The following PIEZO2 variants were observed in gnomAD, a reference collection of about 807,000 sequenced individuals.
PIEZO2 encodes the protein piezo-type mechanosensitive ion channel component 2.
PIEZO2 carries 172 observed loss-of-function variants against 337.3 expected under a neutral mutation model. That is an observed-to-expected ratio of 0.51 (90% CI 0.45 to 0.58). PIEZO2 has a LOEUF of 0.58. Among genes scored for constraint, PIEZO2 ranks in the 20% least tolerant of loss-of-function variants. The pLI is 0.00. For synonymous variants in PIEZO2, 1,251 were observed against 1,228.5 expected (o/e 1.02, Z -0.38); for missense variants, 3,028 against 3,391.3 (o/e 0.89, Z 2.66).
chr18:10,682,163 C>A lies in PIEZO2; in HGVS notation c.7627G>T (p.Ala2543Ser). ...LLFMSLIKSV[A>S]GVINQPLDVS... ...TCCAGGGGCTGGTTGATGACCCCAG[C>A]CACAGATTTGATCAAAGACATGAAG... Residue 2543 changes from alanine to serine, a missense_variant, in exon 50 of 56, where the codon GCT (alanine) becomes TCT (serine). This residue lies in a region of PIEZO2 where 179 missense variants were observed against 281.8 expected (regional missense o/e 0.64). Coordinates refer to ENST00000674853, the MANE Select transcript of PIEZO2 (RefSeq NM_001378183.1). The surrounding 1 kb of genome is among the most constrained non-coding windows in gnomAD (Gnocchi z 5.6). 6.5e-7 allele frequency: 1 copy of A among 1,537,144 alleles called. No homozygotes were observed. The highest frequency in any genetic ancestry group is 8.7e-7 in the Non-Finnish European group (1 of 1,146,894).
intron 1 of PIEZO2, among the ~76,000 whole-genome samples, chr18:11,144,327 TA>T (rs1208434736): frequency 6.6e-6 from 1 of 152,228 alleles, no homozygotes; most frequent in Non-Finnish European, 1.5e-5. Context: ...AAATAGTATC[TA>T]CTTATATAAG....
At chr18:10,997,426 A>G (rs950863862) in intron 2 of PIEZO2, among the ~76,000 whole-genome samples, 3 of 152,200 alleles carry the variant, frequency 2.0e-5, no homozygotes, top group Non-Finnish European at 4.4e-5. Context: ...GACAATCAAC[A>G]GATGCCAACC....
chr18:10,698,253 A>G (rs899747909), intron 44 of PIEZO2, among the ~76,000 whole-genome samples: 7 of 152,258 alleles, frequency 4.6e-5, no homozygotes, highest in African/African-American at 1.7e-4. Context: ...ATCTGCCAGT[A>G]TCTGCCTCAA....
chr18:11,016,771 A>G lies in PIEZO2; in HGVS notation c.161-37111T>C, dbSNP rs780652797. Among the ~76,000 whole-genome samples the G allele has an allele frequency of 3.9e-5, 6 of 152,176 alleles. No homozygotes were observed. Among genetic ancestry groups the G allele is most frequent in the Non-Finnish European group, 5.9e-5 (4 of 68,024 alleles). ...AAATTCCTTCCCAGTTTTCATCCCC[A>G]TACATGTGGATTTGATATATTTATT... On this transcript the variant is annotated intron_variant, in intron 2 of 55. Transcript: ENST00000674853. This position sits in a 1 kb window ranked among gnomAD's most constrained non-coding sequence, Gnocchi z 5.6.
At chr18:10,734,980 T>C (rs1401653294) in intron 35 of PIEZO2, among the ~76,000 whole-genome samples, 1 of 152,212 alleles carries the variant, frequency 6.6e-6, no homozygotes, top group East Asian at 1.9e-4. Context: ...AGTATATCTG[T>C]ATCTGCATTT....
rs166433 is a variant in PIEZO2, at chr18:10,954,432, A to T, written c.286+25103T>A. Among the ~76,000 whole-genome samples, 64,533 of 152,128 alleles carry T rather than the reference A, an allele frequency of 0.42. 14,542 individuals are homozygous for T. The highest frequency in any genetic ancestry group is 0.51 in the Non-Finnish European group (34,721 of 67,986). Reference sequence around the variant, plus strand: ...GTATTATTGTACATAACATTTTGTTAAAAAAGCTATTTCCAATTGTTGATT... The same window carrying T: ...GTATTATTGTACATAACATTTTGTTTAAAAAGCTATTTCCAATTGTTGATT... On this transcript the variant is annotated intron_variant, in intron 3 of 55. Coordinates refer to ENST00000674853, the MANE Select transcript of PIEZO2 (RefSeq NM_001378183.1). The surrounding 1 kb of genome is among the most constrained non-coding windows in gnomAD (Gnocchi z 4.2).
intron 2 of PIEZO2, among the ~76,000 whole-genome samples, chr18:10,997,439 G>A (rs2035367258): frequency 1.3e-5 from 2 of 152,134 alleles, no homozygotes; most frequent in African/African-American, 2.4e-5. Flanking sequence ...TGCCAACCCT[G>A]TAATTACACA....
chr18:11,014,929 G>GAT (rs1568296795), intron 2 of PIEZO2, among the ~76,000 whole-genome samples: 5 of 134,212 alleles, frequency 3.7e-5, no homozygotes, highest in African/African-American at 1.1e-4. Context: ...AGCGATCCGG[G>GAT]GCCCCCCTCA....
chr18:10,719,063 T>G (rs981891153), intron 36 of PIEZO2, among the ~76,000 whole-genome samples: 1 of 152,028 alleles, frequency 6.6e-6, no homozygotes, highest in Non-Finnish European at 1.5e-5. Context: ...GGTTGTCATA[T>G]CTTAAAATGA....
chr18:10,898,658 A>G (rs2042966848), intron 4 of PIEZO2, among the ~76,000 whole-genome samples: 1 of 152,144 alleles, frequency 6.6e-6, no homozygotes. Flanking sequence ...AGGAAGAATG[A>G]GGTAAGGAAA....
chr18:10,752,189 G>A (rs1198823230), intron 28 of PIEZO2, among the ~76,000 whole-genome samples: 1 of 152,156 alleles, frequency 6.6e-6, no homozygotes, highest in Non-Finnish European at 1.5e-5. Context: ...GTATCATAGA[G>A]AAACATGCTC....
intron 18 of PIEZO2, 118 bp downstream of exon 18, chr18:10,780,207 C>T: frequency 3.0e-6 from 2 of 665,560 alleles, no homozygotes. Context: ...ATGAGCATAC[C>T]TGAAGACCAG....
chr18:10,723,974 G>C (rs2143989899), intron 36 of PIEZO2, among the ~76,000 whole-genome samples: 1 of 152,326 alleles, frequency 6.6e-6, no homozygotes, highest in South Asian at 2.1e-4. Flanking sequence ...AAAGCCAGGT[G>C]GGTGGGCAGG....
chr18:11,074,906 A>G (rs1485563441), intron 1 of PIEZO2, among the ~76,000 whole-genome samples: 1 of 152,220 alleles, frequency 6.6e-6, no homozygotes, highest in Admixed American at 6.5e-5. Flanking sequence ...ATTAAAGGTA[A>G]GTGCTCTCAG....
At position 10,713,495 on chromosome 18, in the gene PIEZO2, A is replaced by G. The variant is rs1017818375; in HGVS notation, c.5423+1269T>C. On this transcript the variant is annotated intron_variant, in intron 39 of 55. Coordinates refer to ENST00000674853, the MANE Select transcript of PIEZO2 (RefSeq NM_001378183.1). This position sits in a 1 kb window ranked among gnomAD's most constrained non-coding sequence, Gnocchi z 4.5. ...TATCCAGCATTTGTGAAGGACAAAT[A>G]CTTTTCCAGGTCATTAGTGCCTCGC... Among the ~76,000 whole-genome samples, 3 of 152,186 alleles carry G rather than the reference A, an allele frequency of 2.0e-5. No homozygotes were observed. Among genetic ancestry groups the G allele is most frequent in the Non-Finnish European group, 4.4e-5 (3 of 68,036 alleles).
At chr18:10,702,519 A>G (rs2035386476) in intron 42 of PIEZO2, among the ~76,000 whole-genome samples, 2 of 152,182 alleles carry the variant, frequency 1.3e-5, no homozygotes, top group African/African-American at 2.4e-5. Context: ...TAAATATATT[A>G]TTTAGGGAAA....
At chr18:10,680,495 T>C in intron 51 of PIEZO2, 124 bp from the exon 52 acceptor site, 3 of 917,694 alleles carry the variant, frequency 3.3e-6, no homozygotes. Flanking sequence ...GGAATATTTT[T>C]ATAATGGATG....
chr18:10,876,586 A>G (rs1039144187), intron 4 of PIEZO2, among the ~76,000 whole-genome samples: 1 of 152,154 alleles, frequency 6.6e-6, no homozygotes, highest in Non-Finnish European at 1.5e-5. Flanking sequence ...TAATCACCCA[A>G]CTACCCATCC....
chr18:10,673,909 A>C lies in PIEZO2; in HGVS notation c.8162-1036T>G, dbSNP rs892447114. 1.3e-5 allele frequency among the ~76,000 whole-genome samples: 2 copies of C among 152,240 alleles called. No individual in the cohort carries two copies. The highest frequency in any genetic ancestry group is 4.8e-5 in the African/African-American group (2 of 41,466). On this transcript the variant is annotated intron_variant, in intron 54 of 55. Transcript: ENST00000674853. The surrounding 1 kb of genome is among the most constrained non-coding windows in gnomAD (Gnocchi z 4.8). ...AACACCAAGGATAGCTTATGAGCTAAAAAGATCATACCAAAATTTCATAAT... is the reference window on the plus strand; with the variant it reads ...AACACCAAGGATAGCTTATGAGCTACAAAGATCATACCAAAATTTCATAAT...
Sources: allele counts gnomAD v4.1 joint callset (sites outside exome capture counted in the v4.1 genomes callset), GRCh38; gene constraint gnomAD v4.1.1; regional missense constraint gnomAD v4.1.1; non-coding constraint Gnocchi (gnomAD v3.1); transcripts MANE v1.5; gene names NCBI Gene and HGNC (gene_info 2026-07-23, HGNC 2026-07-21).